The following PCDH11X variants were observed in gnomAD, a reference collection of about 807,000 sequenced individuals.
PCDH11X encodes protocadherin 11 X-linked, also known as protocadherin-11 X-linked.
PCDH11X carries 18 observed loss-of-function variants against 53.3 expected under a neutral mutation model. The observed-to-expected ratio is 0.34, with a 90% CI of 0.23 to 0.50. The LOEUF (loss-of-function observed/expected upper bound fraction) is 0.50. Among genes scored for constraint, PCDH11X ranks in the 20% least tolerant of loss-of-function variants. The probability of loss-of-function intolerance (pLI) is 0.98; values close to 1 mark genes in which losing one functional copy is unlikely to be tolerated. For synonymous variants in PCDH11X, 279 were observed against 393.3 expected, an observed-to-expected ratio of 0.71 and a Z score of 3.44; for missense variants, 570 against 1,032.4, an observed-to-expected ratio of 0.55 and a Z score of 6.14.
At chrX:92,065,376 A>G (rs1361958350) in intron 6 of PCDH11X, among the ~76,000 whole-genome samples, 4 of 111,282 alleles carry the variant, frequency 3.6e-5, no homozygotes, top group Non-Finnish European at 7.5e-5. Flanking sequence ...TTGGATATAT[A>G]CCCAACAGTA....
chrX:92,429,518 A>C (rs1260233213), intron 9 of PCDH11X, among the ~76,000 whole-genome samples: 4 of 106,828 alleles, frequency 3.7e-5, no homozygotes, highest in Non-Finnish European at 7.7e-5. Flanking sequence ...CCCCCAGCTA[A>C]CGAAAAGCTA....
chrX:91,907,412 C>CACACACACAGAGAG (rs756926383), intron 6 of PCDH11X, among the ~76,000 whole-genome samples: 4 of 57,466 alleles, frequency 7.0e-5, no homozygotes, highest in East Asian at 1.2e-3. Flanking sequence ...CACACACACA[C>CACACACACAGAGAG]AGAGAGAGAG....
At chrX:92,379,440 G>A (rs186415805) in intron 8 of PCDH11X, among the ~76,000 whole-genome samples, 1 of 113,130 alleles carries the variant, frequency 8.8e-6, no homozygotes, top group Non-Finnish European at 1.9e-5. Flanking sequence ...AAGCAGAGGG[G>A]GTGCTGAGGG....
chrX:92,376,783 C>G (rs1422407100), intron 8 of PCDH11X, among the ~76,000 whole-genome samples: 23 of 111,573 alleles, frequency 2.1e-4, no homozygotes, highest in Non-Finnish European at 4.3e-4. Context: ...GTGACAATAA[C>G]TTAATGTTCC....
chrX:92,032,279 A>G (rs1455665896), intron 6 of PCDH11X, among the ~76,000 whole-genome samples: 3 of 110,456 alleles, frequency 2.7e-5, no homozygotes, highest in Non-Finnish European at 5.7e-5. Flanking sequence ...TCCTTTTTAC[A>G]TTGGTCACTG....
At chrX:92,467,685 T>A (rs1239641799) in intron 9 of PCDH11X, among the ~76,000 whole-genome samples, 1 of 111,041 alleles carries the variant, frequency 9.0e-6, no homozygotes, top group Non-Finnish European at 1.9e-5. Flanking sequence ...GACAATAATC[T>A]CTAATCCCTT....
At chrX:92,100,634 G>C (rs112865921) in intron 6 of PCDH11X, among the ~76,000 whole-genome samples, 7 of 110,331 alleles carry the variant, frequency 6.3e-5, no homozygotes, top group South Asian at 3.8e-4. Flanking sequence ...CCATCTGGTC[G>C]TATCCGTGCA....
chrX:92,617,906 T>A lies in PCDH11X; in HGVS notation c.3368-358T>A, dbSNP rs188269017. On this transcript the variant is annotated intron_variant, in intron 10 of 10. Coordinates refer to ENST00000682573, the MANE Select transcript of PCDH11X (RefSeq NM_032968.5). ...TCTTATAATTTGTTTTCCAATTAAT[T>A]TTGCTTTTATGTCCTCTCTCAGTGC... is the stretch of plus-strand genomic sequence containing the variant. 2.7e-5 allele frequency among the ~76,000 whole-genome samples: 3 copies of A among 111,764 alleles called. No homozygotes were observed. In the Admixed American group the frequency reaches 2.9e-4, roughly 11 times the overall value.
At chrX:92,288,076 T>C in intron 8 of PCDH11X, 1 of 493,895 alleles carries the variant, frequency 2.0e-6, no homozygotes, top group Non-Finnish European at 3.6e-6. Context: ...TAAGCCTCTT[T>C]TCTTTATAAA....
At chrX:91,916,775 T>C (rs1338800148) in intron 6 of PCDH11X, among the ~76,000 whole-genome samples, 1 of 110,777 alleles carries the variant, frequency 9.0e-6, no homozygotes, top group Non-Finnish European at 1.9e-5. Flanking sequence ...GAAACTATAC[T>C]CAAAGACAGA....
rs71204954 is a variant in PCDH11X at position 92,621,357 on chromosome X, C to T, written c.*2417C>T. 9.1e-6 allele frequency: 1 copy of T among 109,782 alleles called. No individual in the cohort carries two copies. Among genetic ancestry groups the T allele is most frequent in the African/African-American group, 3.3e-5 (1 of 30,009 alleles). The allele number at this position is 109,782 out of a possible 1,213,427, so 9.0% of individuals were successfully genotyped here. Reference sequence around the variant, plus strand: ...AATCCTCATATCTGGAAACTTGTGACGTTTTGACACCTTTCCTATAGATGA... The same window carrying T: ...AATCCTCATATCTGGAAACTTGTGATGTTTTGACACCTTTCCTATAGATGA... On this transcript the variant is annotated 3_prime_UTR_variant, in exon 11 of 11. Coordinates refer to ENST00000682573, the MANE Select transcript of PCDH11X (RefSeq NM_032968.5).
intron 6 of PCDH11X, among the ~76,000 whole-genome samples, chrX:91,893,862 C>A (rs1174036096): frequency 9.0e-6 from 1 of 111,564 alleles, no homozygotes; most frequent in African/African-American, 3.3e-5. Flanking sequence ...AAGGAATGAA[C>A]TTCTTGGCAC....
chrX:92,320,579 A>C (rs1251793325), intron 8 of PCDH11X, among the ~76,000 whole-genome samples: 1 of 111,769 alleles, frequency 8.9e-6, no homozygotes, highest in East Asian at 2.9e-4. Context: ...GATTCATTGC[A>C]CATAATGAAT....
chrX:91,888,361 T>A (rs1940328878), intron 6 of PCDH11X, among the ~76,000 whole-genome samples: 2 of 111,889 alleles, frequency 1.8e-5, no homozygotes, highest in Admixed American at 1.9e-4. Context: ...TTTAAAAAAA[T>A]TTTCAGTGGC....
intron 8 of PCDH11X, among the ~76,000 whole-genome samples, chrX:92,313,979 T>C (rs2069015983): frequency 9.0e-6 from 1 of 111,490 alleles, no homozygotes; most frequent in South Asian, 3.7e-4. Flanking sequence ...TACACTACTG[T>C]AGACTTTATC....
At chrX:92,610,958 T>C (rs1469230403) in intron 10 of PCDH11X, among the ~76,000 whole-genome samples, 2 of 111,707 alleles carry the variant, frequency 1.8e-5, no homozygotes, top group African/African-American at 6.5e-5. Flanking sequence ...GGTCTATGTG[T>C]TTGCTTTTGC....
At chrX:92,497,005 T>C (rs1428390195) in intron 10 of PCDH11X, among the ~76,000 whole-genome samples, 1 of 111,737 alleles carries the variant, frequency 8.9e-6, no homozygotes, top group African/African-American at 3.3e-5. Context: ...AAAGCAGAGT[T>C]GGGCAATAGT....
chrX:92,294,297 A>G (rs1449986468), intron 8 of PCDH11X, among the ~76,000 whole-genome samples: 1 of 109,558 alleles, frequency 9.1e-6, no homozygotes, highest in Non-Finnish European at 1.9e-5. Context: ...ACCCACCACC[A>G]CGCCCAGCTG....
intron 4 of PCDH11X, among the ~76,000 whole-genome samples, chrX:91,833,344 A>G (rs1296256727): frequency 9.1e-6 from 1 of 110,260 alleles, no homozygotes; most frequent in African/African-American, 3.3e-5. Flanking sequence ...TCAATGGGGT[A>G]TTTTTAATCT....
Sources: gnomAD v4.1 joint callset for allele counts (sites outside exome capture counted in the v4.1 genomes callset) on GRCh38, gnomAD v4.1.1 for gene constraint, MANE v1.5 for transcripts, NCBI Gene and HGNC (gene_info 2026-07-23, HGNC 2026-07-21) for gene names.